The following DLG2 variants were observed in gnomAD, a reference collection of about 807,000 sequenced individuals.
DLG2 encodes discs large MAGUK scaffold protein 2, also known as disks large homolog 2.
Under a neutral mutation model 132.5 loss-of-function variants are expected in DLG2, and 45 were observed. The observed-to-expected ratio is 0.34, with a 90% CI of 0.27 to 0.44. DLG2 has a LOEUF of 0.44. Among genes scored for constraint, DLG2 ranks in the 20% least tolerant of loss-of-function variants. The pLI is 1.00. For missense variants in DLG2, 1,045 were observed against 1,196.9 expected (o/e 0.87, Z 1.87); for synonymous variants, 424 against 419.6 (o/e 1.01, Z -0.13).
At chr11:85,460,266 T>A (rs2092563603) in intron 3 of DLG2, among the ~76,000 whole-genome samples, 1 of 152,166 alleles carries the variant, frequency 6.6e-6, no homozygotes, top group Non-Finnish European at 1.5e-5. Context: ...CTGGGATACC[T>A]AGGAATTCAT....
chr11:85,339,447 A>C (rs184998979), intron 3 of DLG2, among the ~76,000 whole-genome samples: 4 of 152,212 alleles, frequency 2.6e-5, no homozygotes, highest in Non-Finnish European at 5.9e-5. Flanking sequence ...TTTTCCCTCC[A>C]GAAGGGTTAT....
intron 9 of DLG2, among the ~76,000 whole-genome samples, chr11:84,154,101 G>A (rs1399618475): frequency 2.6e-5 from 4 of 152,096 alleles, no homozygotes; most frequent in African/African-American, 9.7e-5. Context: ...GGGTTTAAGC[G>A]ATTCTCATGT....
At chr11:84,106,608 C>A (rs1457432940) in intron 9 of DLG2, among the ~76,000 whole-genome samples, 2 of 151,996 alleles carry the variant, frequency 1.3e-5, no homozygotes, top group East Asian at 3.9e-4. Context: ...TTGTATTTTT[C>A]TGGAAGCTGC....
chr11:85,400,155 T>G (rs1451264800), intron 3 of DLG2, among the ~76,000 whole-genome samples: 1 of 152,158 alleles, frequency 6.6e-6, no homozygotes, highest in African/African-American at 2.4e-5. Flanking sequence ...AGAAGATATT[T>G]ATGCAGCCAA....
At chr11:84,662,289 G>A (rs895882223) in intron 6 of DLG2, among the ~76,000 whole-genome samples, 1 of 146,628 alleles carries the variant, frequency 6.8e-6, no homozygotes, top group African/African-American at 2.5e-5. Context: ...TGATTCTCCT[G>A]CCTCAGCCTC....
intron 18 of DLG2, among the ~76,000 whole-genome samples, chr11:83,777,632 C>T (rs953375136): frequency 9.9e-5 from 15 of 152,062 alleles, no homozygotes; most frequent in African/African-American, 3.4e-4. Flanking sequence ...AATCCTGAAA[C>T]CCCCAAGAAA....
intron 18 of DLG2, among the ~76,000 whole-genome samples, chr11:83,714,683 C>A (rs770718863): frequency 1.3e-5 from 2 of 152,214 alleles, no homozygotes; most frequent in Admixed American, 1.3e-4. Flanking sequence ...TTACAGGAGC[C>A]CTTTGAGAGG....
chr11:85,115,013 G>C (rs575939948), intron 5 of DLG2, among the ~76,000 whole-genome samples: 20 of 152,056 alleles, frequency 1.3e-4, no homozygotes, highest in Admixed American at 1.1e-3. Flanking sequence ...TCTTTTGAAA[G>C]CAGAGTAAGA....
intron 7 of DLG2, among the ~76,000 whole-genome samples, chr11:84,330,644 T>C (rs955825458): frequency 6.6e-6 from 1 of 152,146 alleles, no homozygotes; most frequent in Non-Finnish European, 1.5e-5. Context: ...ATCTTCACAA[T>C]AGCCCCATAT....
At chr11:84,215,742 A>G (rs754911193) in intron 8 of DLG2, among the ~76,000 whole-genome samples, 25 of 152,206 alleles carry the variant, frequency 1.6e-4, no homozygotes, top group Non-Finnish European at 3.5e-4. Flanking sequence ...AAGTAGGTAG[A>G]TAAGGACATA....
chr11:85,603,607 C>T (rs768594986), intron 2 of DLG2, among the ~76,000 whole-genome samples: 5 of 151,004 alleles, frequency 3.3e-5, no homozygotes, highest in Non-Finnish European at 7.4e-5. Flanking sequence ...TTACCCTAGT[C>T]GTTTATTCTT....
chr11:85,298,469 A>T (rs1272910248), intron 3 of DLG2, among the ~76,000 whole-genome samples: 1 of 152,140 alleles, frequency 6.6e-6, no homozygotes, highest in Admixed American at 6.6e-5. Context: ...CAATGAAAAG[A>T]TCACAGCCTC....
chr11:84,847,242 G>T (rs2081587574), intron 6 of DLG2, among the ~76,000 whole-genome samples: 1 of 152,182 alleles, frequency 6.6e-6, no homozygotes, highest in Non-Finnish European at 1.5e-5. Flanking sequence ...ACAGGAGATG[G>T]TTAATGATGA....
intron 18 of DLG2, among the ~76,000 whole-genome samples, chr11:83,696,505 G>A (rs891736510): frequency 6.6e-6 from 1 of 152,068 alleles, no homozygotes; most frequent in Non-Finnish European, 1.5e-5. Flanking sequence ...ACAGTTTTGG[G>A]CATCTTGATA....
At chr11:83,936,714 G>T (rs894253182) in intron 14 of DLG2, among the ~76,000 whole-genome samples, 1 of 152,124 alleles carries the variant, frequency 6.6e-6, no homozygotes, top group African/African-American at 2.4e-5. Flanking sequence ...AAGTGTTTGG[G>T]TTTCAACAAA....
chr11:85,350,758 A>G (rs765269422), intron 3 of DLG2, among the ~76,000 whole-genome samples: 11 of 152,078 alleles, frequency 7.2e-5, no homozygotes, highest in Non-Finnish European at 1.3e-4. Context: ...GTTCTGTTCC[A>G]TTGGTCTATG....
chr11:84,508,265 C>A (rs1434923152), intron 7 of DLG2, among the ~76,000 whole-genome samples: 1 of 152,120 alleles, frequency 6.6e-6, no homozygotes, highest in South Asian at 2.1e-4. Context: ...GTTTCTTGAA[C>A]ATAATAAGCA....
intron 7 of DLG2, among the ~76,000 whole-genome samples, chr11:84,286,218 C>T (rs1261201433): frequency 6.6e-6 from 1 of 152,154 alleles, no homozygotes; most frequent in Non-Finnish European, 1.5e-5. Context: ...ATACACCTAG[C>T]TCTATATCAA....
chr11:85,589,947 T>C (rs1376318893), intron 3 of DLG2, among the ~76,000 whole-genome samples: 1 of 152,158 alleles, frequency 6.6e-6, no homozygotes, highest in Admixed American at 6.5e-5. Flanking sequence ...GCGTAGTATC[T>C]AAACATTTTT....
Sources: gnomAD v4.1 joint callset for allele counts (sites outside exome capture counted in the v4.1 genomes callset) on GRCh38, gnomAD v4.1.1 for gene constraint, MANE v1.5 for transcripts, NCBI Gene and HGNC (gene_info 2026-07-23, HGNC 2026-07-21) for gene names.